The following CRYBB1 variants were observed in gnomAD, a reference collection of about 807,000 sequenced individuals.
The protein encoded by CRYBB1 is crystallin beta B1, also known as beta-crystallin B1.
Under a neutral mutation model 29.5 loss-of-function variants are expected in CRYBB1, and 16 were observed. The observed-to-expected ratio is 0.54, with a 90% confidence interval of 0.37 to 0.82. The LOEUF is 0.82. Ranked by LOEUF, CRYBB1 falls within the 40% of genes least tolerant of loss-of-function variation. CRYBB1 has a pLI of 0.00. For synonymous variants in CRYBB1, 127 were observed against 136.7 expected, an observed-to-expected ratio of 0.93 and a Z score of 0.49; for missense variants, 300 against 350.5, an observed-to-expected ratio of 0.86 and a Z score of 1.15.
Position 26,616,159 on chromosome 22 carries a change from A to C in CRYBB1, c.161T>G (p.Leu54Arg), listed in dbSNP as rs1929344168. 1.2e-6 allele frequency: 2 copies of C among 1,614,168 alleles called. No homozygotes were observed. The highest frequency in any genetic ancestry group is 4.5e-5 in the East Asian group (2 of 44,864). Reference sequence around the variant, plus strand: ...CCTTACCCTGTAGTTCCCAGGAGGCAGTTCCGCCGCCTTGGCGCTGGTAAT... The same window carrying C: ...CCTTACCCTGTAGTTCCCAGGAGGCCGTTCCGCCGCCTTGGCGCTGGTAAT... ...VPITSAKAAELPPGNYRLVVF... is the reference protein window; with the variant it reads ...VPITSAKAAERPPGNYRLVVF... Residue 54 changes from leucine (L) to arginine (R), a missense_variant, in exon 2 of 6, where the codon CTG becomes CGG. Coordinates refer to ENST00000647684, the MANE Select transcript of CRYBB1 (RefSeq NM_001887.4).
At position 26,612,078 on chromosome 22, in the gene CRYBB1, G is replaced by A. The variant is rs144372140; in HGVS notation, c.293C>T (p.Ala98Val). The A allele has an allele frequency of 2.0e-5, 32 of 1,611,302 alleles. No homozygotes were observed. The highest frequency in any genetic ancestry group is 1.2e-4 in the African/African-American group (9 of 74,762). The change falls in exon 3 of 6, where the codon GCG becomes GTG. Residue 98 changes from alanine (A) to valine (V), a missense_variant. Transcript: ENST00000647684. ...TCCGCCGCCCAGTACTCACGGTCCC[G>A]CGGAGACAATGATGCTGCGCACACG... ...FDRVRSIIVS[A>V]GPWVAFEQSN...
At chr22:26,614,029 G>A (rs1052873383) in intron 2 of CRYBB1, among the ~76,000 whole-genome samples, 1 of 152,176 alleles carries the variant, frequency 6.6e-6, no homozygotes, top group Admixed American at 6.5e-5. Flanking sequence ...TTATTAGGAA[G>A]AGGAAATTCC....
At chr22:26,610,063 C>A (rs946285404) in intron 3 of CRYBB1, among the ~76,000 whole-genome samples, 1 of 152,192 alleles carries the variant, frequency 6.6e-6, no homozygotes, top group Non-Finnish European at 1.5e-5. Context: ...CCAAGTCCCC[C>A]TAAAATCTCC....
rs1205931762 is a variant in CRYBB1, at chr22:26,616,243, G to A, written c.77C>T (p.Ala26Val). 1 of 1,613,828 alleles carries A rather than the reference G, an allele frequency of 6.2e-7. No individual in the cohort carries two copies. Among genetic ancestry groups the A allele is most frequent in the African/African-American group, 1.3e-5 (1 of 74,922 alleles). ...NPGPDTKGKG[A>V]PPAGTSPSPG... is the part of the protein sequence containing the mutation. The stretch of plus-strand genomic sequence containing the variant: ...ACTAGGGGATGTTCCTGCAGGTGGG[G>A]CCCCCTTCCCCTTGGTGTCAGGCCC... The change falls in exon 2 of 6, where the codon GCC becomes GTC. Residue 26 changes from alanine to valine, a missense_variant. Coordinates refer to ENST00000647684, the MANE Select transcript of CRYBB1 (RefSeq NM_001887.4).
intron 4 of CRYBB1, among the ~76,000 whole-genome samples, chr22:26,605,653 A>G (rs1928952628): frequency 1.4e-5 from 2 of 138,474 alleles, no homozygotes; most frequent in South Asian, 5.4e-4. Context: ...AGCCTGGGCA[A>G]CAGAGTTAGA....
intron 5 of CRYBB1, among the ~76,000 whole-genome samples, chr22:26,601,126 A>T (rs1160851211): frequency 6.6e-6 from 1 of 152,178 alleles, no homozygotes; most frequent in Non-Finnish European, 1.5e-5. Context: ...AAAAGGCCAT[A>T]GCCATGATGG....
chr22:26,612,220 C>T (rs1486259762), intron 2 of CRYBB1, 30 bp from the exon 3 acceptor site: 4 of 1,486,110 alleles, frequency 2.7e-6, no homozygotes, highest in Non-Finnish European at 3.8e-6. Flanking sequence ...ATGCCAAGGG[C>T]AGAGTGAGGG....
intron 3 of CRYBB1, 70 bp downstream of exon 3, chr22:26,612,002 A>G (rs1929181531): frequency 1.8e-6 from 2 of 1,135,294 alleles, no homozygotes. Context: ...ATGCTGGAGA[A>G]ATGGCAGCTA....
chr22:26,608,383 A>G (rs890572029), intron 3 of CRYBB1, among the ~76,000 whole-genome samples: 18 of 152,144 alleles, frequency 1.2e-4, no homozygotes, highest in African/African-American at 3.9e-4. Flanking sequence ...CAAGGAACAC[A>G]TAGACATTTG....
rs1312401495 is a variant in CRYBB1, at chr22:26,599,523, G to T, written c.726C>A (p.Ser242=). Residue 242 remains serine, a synonymous_variant, in exon 6 of 6, where the codon TCC becomes TCA. Transcript: ENST00000647684. ...GGGGCTCTGTGGCCAGGACAGGGAA[G>T]GACCCCTCGAGGTGCCACTGCTTGT... is the stretch of plus-strand genomic sequence containing the variant. ...LRDKQWHLEG[S]FPVLATEPPK The T allele has an allele frequency of 8.7e-6, 14 of 1,613,380 alleles. No homozygotes were observed. Among genetic ancestry groups the T allele is most frequent in the Non-Finnish European group, 1.1e-5 (13 of 1,180,040 alleles).
At chr22:26,613,755 A>G (rs1929253554) in intron 2 of CRYBB1, among the ~76,000 whole-genome samples, 1 of 152,250 alleles carries the variant, frequency 6.6e-6, no homozygotes, top group Non-Finnish European at 1.5e-5. Flanking sequence ...AGAACAGGAT[A>G]ACAGCAATTG....
intron 4 of CRYBB1, among the ~76,000 whole-genome samples, chr22:26,606,414 C>T (rs1178962711): frequency 2.0e-5 from 3 of 152,040 alleles, no homozygotes; most frequent in African/African-American, 7.2e-5. Context: ...ATGTATTTTA[C>T]ACTTATGACA....
At chr22:26,605,750 TA>T (rs35856549) in intron 4 of CRYBB1, among the ~76,000 whole-genome samples, 34,011 of 146,526 alleles carry the variant, frequency 0.23, 4,259 homozygotes, top group Non-Finnish European at 0.29. Context: ...TGGTCAGGTT[TA>T]TTTTTTTTTT....
At chr22:26,602,159 G>C (rs879079474) in intron 4 of CRYBB1, 138 bp from the exon 5 acceptor site, 13 of 1,085,896 alleles carry the variant, frequency 1.2e-5, no homozygotes, top group Non-Finnish European at 1.8e-5. Flanking sequence ...GACCACTGCT[G>C]TCTAGTCTGG....
At chr22:26,611,952 G>A (rs1354842436) in intron 3 of CRYBB1, 120 bp downstream of exon 3, 3 of 770,468 alleles carry the variant, frequency 3.9e-6, no homozygotes, top group African/African-American at 3.4e-5. Context: ...TGGACATAAT[G>A]TATGTGCCAG....
intron 3 of CRYBB1, 126 bp from the exon 4 acceptor site, chr22:26,608,147 G>A (rs929479198): frequency 2.1e-5 from 29 of 1,374,246 alleles, no homozygotes; most frequent in Non-Finnish European, 2.8e-5. Flanking sequence ...TCCAAAGGGG[G>A]CTGAACATGT....
chr22:26,613,090 C>T (rs1480589277), intron 2 of CRYBB1, among the ~76,000 whole-genome samples: 1 of 152,194 alleles, frequency 6.6e-6, no homozygotes, highest in Non-Finnish European at 1.5e-5. Context: ...CAGCCCCAGC[C>T]CCAGTACCTG....
intron 4 of CRYBB1, among the ~76,000 whole-genome samples, chr22:26,605,738 G>A (rs1193796974): frequency 1.4e-5 from 2 of 142,530 alleles, no homozygotes; most frequent in African/African-American, 2.6e-5. Flanking sequence ...TCAAGTAGAA[G>A]ATGGTCAGGT....
At position 26,607,979 on chromosome 22, in the gene CRYBB1, G is replaced by A; in HGVS notation, c.342C>T (p.Phe114=). 6.2e-7 allele frequency: 1 copy of A among 1,614,210 alleles called. No homozygotes were observed. The highest frequency in any genetic ancestry group is 8.5e-7 in the Non-Finnish European group (1 of 1,180,044). The change falls in exon 4 of 6, where the codon TTC becomes TTT. Residue 114 remains phenylalanine, a synonymous_variant. Transcript: ENST00000647684. ...FEQSNFRGEM[F]ILEKGEYPRW... ...GAGGGTACTCGCCCTTCTCCAGGATGAACATCTCCCCGCGGAAGTTGGACT... is the reference window on the plus strand; with the variant it reads ...GAGGGTACTCGCCCTTCTCCAGGATAAACATCTCCCCGCGGAAGTTGGACT...
Sources: allele counts gnomAD v4.1 joint callset (sites outside exome capture counted in the v4.1 genomes callset), GRCh38; gene constraint gnomAD v4.1.1; transcripts MANE v1.5; gene names NCBI Gene and HGNC (gene_info 2026-07-23, HGNC 2026-07-21).